The following ZNF678 variants were observed in gnomAD, a reference collection of about 807,000 sequenced individuals.
ZNF678 encodes the protein hypothetical protein MGC42493.
ZNF678 carries 5 observed loss-of-function variants against 3.0 expected under a neutral mutation model. The ratio of observed to expected loss-of-function variants is 1.69; its 90% confidence interval spans 0.88 to 3.56. ZNF678 has a LOEUF of 3.56. Among genes scored for constraint, ZNF678 ranks in the 30% most tolerant of loss-of-function variants. The probability of loss-of-function intolerance (pLI) is 0.00; values close to 1 mark genes in which losing one functional copy is unlikely to be tolerated. For synonymous variants in ZNF678, 218 were observed against 199.6 expected (o/e 1.09, Z -0.78); for missense variants, 593 against 605.0 (o/e 0.98, Z 0.21).
intron 2 of ZNF678, among the ~76,000 whole-genome samples, chr1:227,647,337 G>C (rs909284993): frequency 6.6e-5 from 10 of 152,138 alleles, no homozygotes; most frequent in African/African-American, 2.4e-4. Flanking sequence ...TAGTATTTTT[G>C]GATTAATTTT....
At chr1:227,582,129 ACTCTATACATTCTG>A (rs1347765024) in intron 1 of ZNF678, among the ~76,000 whole-genome samples, 1 of 151,906 alleles carries the variant, frequency 6.6e-6, no homozygotes, top group Non-Finnish European at 1.5e-5. Context: ...ATTTGCAAAT[ACTCTATACATTCTG>A]GATACAAGTA....
chr1:227,580,649 G>A (rs576107071), intron 1 of ZNF678, among the ~76,000 whole-genome samples: 10 of 152,148 alleles, frequency 6.6e-5, no homozygotes, highest in African/African-American at 2.4e-4. Context: ...ACCACAAAAG[G>A]CCAGGCACGG....
At chr1:227,593,534 T>A (rs866617414) in intron 1 of ZNF678, among the ~76,000 whole-genome samples, 5 of 152,118 alleles carry the variant, frequency 3.3e-5, no homozygotes, top group African/African-American at 9.7e-5. Context: ...CTCCCTGGAT[T>A]AATGGTCCTA....
rs562511936 is a variant in ZNF678 at position 227,599,334 on chromosome 1, C to T, written c.-164+35610C>T. ...GTGCTGGGCTGAGTGCACAGTCGCA[C>T]GCTGAGGGAAACCAGGCCAGAGAGA... On this transcript the variant is annotated intron_variant, in intron 1 of 3. Coordinates refer to ENST00000343776, the MANE Select transcript of ZNF678 (RefSeq NM_001367909.1). Among the ~76,000 whole-genome samples the T allele has an allele frequency of 1.9e-3, 288 of 152,294 alleles. 1 individual carries two copies. The highest frequency in any genetic ancestry group is 3.0e-3 in the Non-Finnish European group (203 of 68,028).
chr1:227,605,402 G>C (rs1174201001), intron 1 of ZNF678, among the ~76,000 whole-genome samples: 1 of 152,102 alleles, frequency 6.6e-6, no homozygotes, highest in Non-Finnish European at 1.5e-5. Flanking sequence ...ATTTTACTCA[G>C]ACAATGTAGA....
chr1:227,678,759 ATGTT>A (rs1659722299), downstream of ZNF678, among the ~76,000 whole-genome samples: 1 of 152,218 alleles, frequency 6.6e-6, no homozygotes, highest in Non-Finnish European at 1.5e-5. Context: ...CCCAATACAT[ATGTT>A]AACTCAATTG....
rs560954860 is a variant in ZNF678, at chr1:227,658,199, T to C, written c.*2371T>C. 2 of 152,172 alleles carry C rather than the reference T, an allele frequency of 1.3e-5. No homozygotes were observed. The highest frequency in any genetic ancestry group is 1.9e-4 in the East Asian group (1 of 5,192). The allele number at this position is 152,172 out of a possible 1,614,324, so 9.4% of individuals were successfully genotyped here. A position where few individuals can be genotyped will look rare whatever the true frequency, so the allele number is the denominator to read the frequency against. On this transcript the variant is annotated 3_prime_UTR_variant, in exon 4 of 4. Coordinates refer to ENST00000343776, the MANE Select transcript of ZNF678 (RefSeq NM_001367909.1). ...GTTTCCATTTTAATATTTTACATAA[T>C]TGAATTTTTTTCACTTTATTGAGCC...
intron 1 of ZNF678, among the ~76,000 whole-genome samples, chr1:227,577,088 T>C (rs923859900): frequency 6.6e-6 from 1 of 152,228 alleles, no homozygotes; most frequent in Non-Finnish European, 1.5e-5. Context: ...TTTAGTTTGA[T>C]TGTGTTGTGG....
Position 227,667,589 on chromosome 1 carries a change from A to G in ZNF678, c.227-9590A>G, listed in dbSNP as rs796698954. Among the ~76,000 whole-genome samples the G allele has an allele frequency of 5.3e-5, 8 of 152,330 alleles. 1 individual carries two copies. Among genetic ancestry groups the G allele is most frequent in the African/African-American group, 1.9e-4 (8 of 41,584 alleles). Reference sequence around the variant, plus strand: ...CCTCTCCAGGAATTTTCTCCTGGGAATGTTGATAGCTGTTTTCTCACATAA... The same window carrying G: ...CCTCTCCAGGAATTTTCTCCTGGGAGTGTTGATAGCTGTTTTCTCACATAA... On this transcript the variant is annotated intron_variant, in intron 5 of 5. Transcript: ENST00000608949.
Position 227,657,932 on chromosome 1 carries a change from T to A in ZNF678, c.*2104T>A, listed in dbSNP as rs1243927648. On this transcript the variant is annotated 3_prime_UTR_variant, in exon 4 of 4. Coordinates refer to ENST00000343776, the MANE Select transcript of ZNF678 (RefSeq NM_001367909.1). Reference sequence around the variant, plus strand: ...AATCTTCTCATGCAAATCCTGTTTTTTTCTTGTCTGTTGATCATACTAAAC... The same window carrying A: ...AATCTTCTCATGCAAATCCTGTTTTATTCTTGTCTGTTGATCATACTAAAC... 2.0e-5 allele frequency: 3 copies of A among 152,008 alleles called. No homozygotes were observed. Among genetic ancestry groups the A allele is most frequent in the Non-Finnish European group, 4.4e-5 (3 of 67,906 alleles). The allele number at this position is 152,008 out of a possible 1,614,324, so 9.4% of individuals were successfully genotyped here.
At chr1:227,628,546 TG>T (rs1207066108) in intron 1 of ZNF678, among the ~76,000 whole-genome samples, 10 of 152,356 alleles carry the variant, frequency 6.6e-5, no homozygotes, top group Non-Finnish European at 1.2e-4. Flanking sequence ...TTCAGGGTTT[TG>T]GGATGAGGAT....
intron 1 of ZNF678, among the ~76,000 whole-genome samples, chr1:227,600,141 AT>A (rs1369740155): frequency 6.9e-6 from 1 of 145,520 alleles, no homozygotes; most frequent in Non-Finnish European, 1.5e-5. Flanking sequence ...ACATGATCTC[AT>A]TTTTTTTTAA....
At position 227,615,129 on chromosome 1, in the gene ZNF678, G is replaced by T. The variant is rs114926564; in HGVS notation, c.-163-31415G>T. ...AATTTGCCATTTTTTGTGAGAAAAGGTCTGACTGATTGTCAGCCTGTGATT... is the reference window on the plus strand; with the variant it reads ...AATTTGCCATTTTTTGTGAGAAAAGTTCTGACTGATTGTCAGCCTGTGATT... On this transcript the variant is annotated intron_variant, in intron 1 of 3. Transcript: ENST00000343776. Among the ~76,000 whole-genome samples, 565 of 152,254 alleles carry T rather than the reference G, an allele frequency of 3.7e-3. 3 individuals are homozygous for T. Among genetic ancestry groups the T allele is most frequent in the African/African-American group, 0.013 (522 of 41,538 alleles).
At chr1:227,565,636 C>T (rs946556995) in intron 1 of ZNF678, among the ~76,000 whole-genome samples, 1 of 152,212 alleles carries the variant, frequency 6.6e-6, no homozygotes, top group African/African-American at 2.4e-5. Flanking sequence ...CCTCTTGGCA[C>T]TCTATTGTAA....
downstream of ZNF678, among the ~76,000 whole-genome samples, chr1:227,666,531 C>G (rs916345811): frequency 6.6e-6 from 1 of 152,054 alleles, no homozygotes; most frequent in Admixed American, 6.6e-5. Flanking sequence ...ATAAATTACA[C>G]AGGGTAGCCT....
At chr1:227,596,735 A>C (rs1657599740) in intron 1 of ZNF678, among the ~76,000 whole-genome samples, 1 of 152,220 alleles carries the variant, frequency 6.6e-6, no homozygotes, top group South Asian at 2.1e-4. Context: ...TTCATTTTAC[A>C]TTTTTATACA....
intron 1 of ZNF678, among the ~76,000 whole-genome samples, chr1:227,593,924 G>C (rs1318843068): frequency 6.7e-6 from 1 of 149,010 alleles, no homozygotes; most frequent in Non-Finnish European, 1.5e-5. Context: ...CACAAGGTAG[G>C]GTACTTCCAG....
Position 227,651,869 on chromosome 1 carries a change from C to T in ZNF678, c.85+793C>T, listed in dbSNP as rs184692526. On this transcript the variant is annotated intron_variant, in intron 3 of 3. Coordinates refer to ENST00000343776, the MANE Select transcript of ZNF678 (RefSeq NM_001367909.1). ...AATTACAAATATGAGGTATGGTGCCCGGCTCTGTCACAAAGGCACTTATGT... is the reference window on the plus strand; with the variant it reads ...AATTACAAATATGAGGTATGGTGCCTGGCTCTGTCACAAAGGCACTTATGT... Among the ~76,000 whole-genome samples, 11 of 152,190 alleles carry T rather than the reference C, an allele frequency of 7.2e-5. No individual in the cohort carries two copies. In the East Asian group the frequency reaches 9.7e-4, roughly 13 times the overall value.
intron 1 of ZNF678, among the ~76,000 whole-genome samples, chr1:227,624,520 C>T (rs547929795): frequency 1.3e-5 from 2 of 152,262 alleles, no homozygotes; most frequent in East Asian, 1.9e-4. Context: ...CAGATGTTAC[C>T]GGCAGGTCTT....
Sources: allele counts gnomAD v4.1 joint callset (sites outside exome capture counted in the v4.1 genomes callset), GRCh38; gene constraint gnomAD v4.1.1; transcripts MANE v1.5; gene names NCBI Gene and HGNC (gene_info 2026-07-23, HGNC 2026-07-21).